ATP2B2: variants seen among roughly 807,000 people sequenced by gnomAD.
ATP2B2 encodes the protein ATPase plasma membrane Ca2+ transporting 2.
In ATP2B2, 15 loss-of-function variants were observed where a neutral mutation model predicts 120.0. The ratio of observed to expected loss-of-function variants is 0.12; its 90% CI spans 0.08 to 0.19. The LOEUF (loss-of-function observed/expected upper bound fraction) is 0.19, where lower values mean the gene tolerates loss of function less well. Ranked by LOEUF, ATP2B2 falls within the 10% of genes least tolerant of loss-of-function variation. The pLI is 1.00. For missense variants in ATP2B2, 1,045 were observed against 1,719.8 expected (o/e 0.61, Z 6.94); for synonymous variants, 694 against 700.3 (o/e 0.99, Z 0.14).
intron 1 of ATP2B2, chr3:10,626,095 G>T (rs1310431022): frequency 1.3e-5 from 2 of 152,194 alleles, no homozygotes; most frequent in Admixed American, 1.3e-4. Context: ...TTTAGTACAG[G>T]TGTTCTGATC....
intron 2 of ATP2B2, among the ~76,000 whole-genome samples, chr3:10,550,486 A>C (rs1329187087): frequency 1.3e-5 from 2 of 152,092 alleles, no homozygotes; most frequent in Non-Finnish European, 2.9e-5. Context: ...TTTACACCCC[A>C]GAAAGCACAT....
At chr3:10,624,115 T>C (rs1022617473) in intron 1 of ATP2B2, among the ~76,000 whole-genome samples, 2 of 152,214 alleles carry the variant, frequency 1.3e-5, no homozygotes, top group Non-Finnish European at 2.9e-5. Flanking sequence ...TCCTGCATCA[T>C]AGAAACCAGC....
At chr3:10,381,401 GCT>G (rs1491078336) in intron 8 of ATP2B2, among the ~76,000 whole-genome samples, 13 of 152,326 alleles carry the variant, frequency 8.5e-5, no homozygotes, top group Non-Finnish European at 1.5e-4. Flanking sequence ...GTTTTAGAAG[GCT>G]CAAAGGGGCC....
At chr3:10,679,635 A>G (rs2071334150) in intron 1 of ATP2B2, among the ~76,000 whole-genome samples, 2 of 152,218 alleles carry the variant, frequency 1.3e-5, no homozygotes, top group South Asian at 4.1e-4. Flanking sequence ...AGGAATGTTC[A>G]CTGTGGCTTT....
At chr3:10,567,416 C>T (rs991269590) in intron 2 of ATP2B2, among the ~76,000 whole-genome samples, 4 of 152,188 alleles carry the variant, frequency 2.6e-5, no homozygotes, top group African/African-American at 9.7e-5. Flanking sequence ...TGCATTTGCT[C>T]AGTCTAATTT....
intron 1 of ATP2B2, among the ~76,000 whole-genome samples, chr3:10,697,727 C>T (rs13085735): frequency 0.043 from 6,520 of 152,262 alleles, 177 homozygotes; most frequent in South Asian, 0.13. Context: ...GAGGACAAAG[C>T]CATTCCTATG....
chr3:10,645,235 G>A (rs963806679), intron 1 of ATP2B2, among the ~76,000 whole-genome samples: 9 of 152,224 alleles, frequency 5.9e-5, no homozygotes, highest in Non-Finnish European at 1.0e-4. Context: ...TTATTGCTAA[G>A]TAAAAAGTTA....
chr3:10,566,891 T>A (rs974223292), intron 2 of ATP2B2, among the ~76,000 whole-genome samples: 1 of 152,206 alleles, frequency 6.6e-6, no homozygotes, highest in African/African-American at 2.4e-5. Flanking sequence ...GGTTAAGATT[T>A]AACACAAAGT....
intron 1 of ATP2B2, among the ~76,000 whole-genome samples, chr3:10,463,157 G>A (rs1345865178): frequency 6.6e-6 from 1 of 152,000 alleles, no homozygotes; most frequent in Non-Finnish European, 1.5e-5. Context: ...CTGCCAGCCC[G>A]TCGCGTGTGG....
At chr3:10,643,688 T>C (rs1453810827) in intron 1 of ATP2B2, among the ~76,000 whole-genome samples, 1 of 152,198 alleles carries the variant, frequency 6.6e-6, no homozygotes, top group Non-Finnish European at 1.5e-5. Flanking sequence ...AGGGATTATA[T>C]TCTTCAAAAA....
At chr3:10,623,929 G>A (rs1315490081) in intron 1 of ATP2B2, among the ~76,000 whole-genome samples, 1 of 152,220 alleles carries the variant, frequency 6.6e-6, no homozygotes, top group African/African-American at 2.4e-5. Flanking sequence ...CCTGTGAGAT[G>A]TTAGGCAAAT....
chr3:10,490,400 C>CTTTTTTT (rs34189325), intron 1 of ATP2B2, among the ~76,000 whole-genome samples: 4 of 136,866 alleles, frequency 2.9e-5, no homozygotes, highest in Non-Finnish European at 3.1e-5. Flanking sequence ...CCACGGCATT[C>CTTTTTTT]TTTTTTTTTT....
At chr3:10,403,739 G>C (rs1575131948) in intron 3 of ATP2B2, among the ~76,000 whole-genome samples, 2 of 152,362 alleles carry the variant, frequency 1.3e-5, no homozygotes, top group African/African-American at 2.4e-5. Context: ...TGTGCACCCA[G>C]CATCCACTTT....
chr3:10,665,736 C>T (rs745643), intron 1 of ATP2B2, among the ~76,000 whole-genome samples: 64,357 of 152,088 alleles, frequency 0.42, 16,362 homozygotes, highest in Non-Finnish European at 0.57. Context: ...GGCATCTAAG[C>T]TCCTGAAGGA....
chr3:10,498,438 C>G (rs1164803393), intron 1 of ATP2B2, among the ~76,000 whole-genome samples: 2 of 152,234 alleles, frequency 1.3e-5, no homozygotes, highest in Non-Finnish European at 2.9e-5. Context: ...GCCTGGGGGC[C>G]TCACTCAGCG....
chr3:10,440,699 T>C (rs992691229), intron 2 of ATP2B2, among the ~76,000 whole-genome samples: 1 of 152,216 alleles, frequency 6.6e-6, no homozygotes, highest in African/African-American at 2.4e-5. Flanking sequence ...TGGGGATCAC[T>C]CCTCCTTCAT....
chr3:10,379,771 G>T (rs2125541227), intron 8 of ATP2B2, among the ~76,000 whole-genome samples: 1 of 147,896 alleles, frequency 6.8e-6, no homozygotes, highest in East Asian at 1.9e-4. Context: ...GAGGGGGAGA[G>T]AGAGAGAAAG....
intron 2 of ATP2B2, among the ~76,000 whole-genome samples, chr3:10,586,526 T>C (rs576928471): frequency 6.6e-6 from 1 of 152,158 alleles, no homozygotes; most frequent in Non-Finnish European, 1.5e-5. Context: ...ACTAGGGATG[T>C]GAGGCAGAGG....
At chr3:10,370,989 T>C (rs1337741185) in intron 12 of ATP2B2, among the ~76,000 whole-genome samples, 2 of 152,198 alleles carry the variant, frequency 1.3e-5, no homozygotes, top group Admixed American at 1.3e-4. Context: ...CTTATCAAAA[T>C]GAATAATATT....
Sources: allele counts gnomAD v4.1 joint callset (sites outside exome capture counted in the v4.1 genomes callset), GRCh38; gene constraint gnomAD v4.1.1; transcripts MANE v1.5; gene names NCBI Gene and HGNC (gene_info 2026-07-23, HGNC 2026-07-21).